Variants in EXOC6 observed in about 807,000 individuals in gnomAD.
The protein encoded by EXOC6 is SEC15-like 1.
EXOC6 carries 60 observed loss-of-function variants against 112.5 expected under a neutral mutation model. That is an observed-to-expected ratio of 0.53 (90% confidence interval 0.43 to 0.66). The LOEUF (loss-of-function observed/expected upper bound fraction) is 0.66. Ranked by LOEUF, EXOC6 falls within the 30% of genes least tolerant of loss-of-function variation. The pLI is 0.00. For missense variants in EXOC6, 855 were observed against 957.1 expected (o/e 0.89, Z 1.41); for synonymous variants, 295 against 308.0 (o/e 0.96, Z 0.44).
chr10:92,880,206 C>A (rs757102372), intron 1 of EXOC6, among the ~76,000 whole-genome samples: 1 of 152,140 alleles, frequency 6.6e-6, no homozygotes, highest in African/African-American at 2.4e-5. Flanking sequence ...TGCACATACT[C>A]CCATGTACTT....
chr10:93,059,137 G>A lies in EXOC6; in HGVS notation c.*782G>A, dbSNP rs1486339413. 6.6e-6 allele frequency: 1 copy of A among 151,950 alleles called. No individual in the cohort carries two copies. The highest frequency in any genetic ancestry group is 2.4e-5 in the African/African-American group (1 of 41,212). 9.4% of individuals were successfully genotyped at this position (151,950 alleles called of 1,614,324 possible). A position where few individuals can be genotyped will look rare whatever the true frequency, so the allele number is the denominator to read the frequency against. ...TAACCACTTCAGGTGCAGCTTGTGC[G>A]AGGGTAGATGGTTCCTGCACACAGA... On this transcript the variant is annotated 3_prime_UTR_variant, in exon 22 of 22. Transcript: ENST00000260762.
intron 17 of EXOC6, among the ~76,000 whole-genome samples, chr10:92,971,236 A>G (rs181226325): frequency 8.5e-4 from 129 of 151,870 alleles, no homozygotes; most frequent in Middle Eastern, 6.8e-3. Flanking sequence ...AGTAGAGACA[A>G]GGTTTCACCA....
chr10:92,952,374 A>G lies in EXOC6; in HGVS notation c.1518A>G (p.Leu506=), dbSNP rs780450521. Residue 506 remains leucine, a synonymous_variant, in exon 15 of 22, where the codon CTA becomes CTG. Coordinates refer to ENST00000260762, the MANE Select transcript of EXOC6 (RefSeq NM_019053.6). ...IYASLKFSES[L]HRSSTEIDDM... Reference sequence around the variant, plus strand: ...CCAGCCTTAAATTTTCAGAGTCACTACACCGGAGGTGAGTTTACTAATCAC... The same window carrying G: ...CCAGCCTTAAATTTTCAGAGTCACTGCACCGGAGGTGAGTTTACTAATCAC... 5.7e-6 allele frequency: 9 copies of G among 1,584,372 alleles called. No homozygotes were observed. In the Admixed American group the frequency reaches 1.2e-4, roughly 21 times the overall value.
intron 14 of EXOC6, among the ~76,000 whole-genome samples, chr10:92,950,215 G>T (rs181571111): frequency 1.6e-4 from 25 of 152,146 alleles, no homozygotes; most frequent in Admixed American, 1.4e-3. Flanking sequence ...TCTTTTGGTT[G>T]TGTGTGTATA....
At chr10:93,045,387 GA>G (rs1845962380) in intron 20 of EXOC6, among the ~76,000 whole-genome samples, 1 of 152,202 alleles carries the variant, frequency 6.6e-6, no homozygotes, top group African/African-American at 2.4e-5. Context: ...GCAAGAGGGA[GA>G]AGAAGCACTT....
intron 1 of EXOC6, among the ~76,000 whole-genome samples, chr10:92,886,316 C>G (rs938755701): frequency 2.0e-5 from 3 of 152,220 alleles, no homozygotes; most frequent in Non-Finnish European, 4.4e-5. Flanking sequence ...TCGATTTTCT[C>G]TACTTCTTTT....
intron 20 of EXOC6, among the ~76,000 whole-genome samples, chr10:93,024,781 G>T (rs1378746232): frequency 6.6e-6 from 1 of 152,086 alleles, no homozygotes; most frequent in Non-Finnish European, 1.5e-5. Flanking sequence ...TCATTACAGG[G>T]CACCTCCCTC....
At chr10:92,886,452 G>T (rs1849222438) in intron 1 of EXOC6, among the ~76,000 whole-genome samples, 1 of 152,084 alleles carries the variant, frequency 6.6e-6, no homozygotes, top group Non-Finnish European at 1.5e-5. Flanking sequence ...TGCACATCAG[G>T]GATTCCCTAT....
intron 18 of EXOC6, among the ~76,000 whole-genome samples, chr10:92,976,053 G>A (rs1189256187): frequency 2.1e-5 from 3 of 143,762 alleles, no homozygotes; most frequent in African/African-American, 7.7e-5. Flanking sequence ...GGTGGGGGGG[G>A]GGGTCAGCCC....
chr10:92,915,221 G>A (rs1289185426), intron 6 of EXOC6, among the ~76,000 whole-genome samples: 1 of 152,010 alleles, frequency 6.6e-6, no homozygotes, highest in Non-Finnish European at 1.5e-5. Context: ...GGAAATACAT[G>A]GTTCTACATA....
chr10:92,999,761 TG>T (rs1476294205), intron 19 of EXOC6, among the ~76,000 whole-genome samples: 1 of 151,606 alleles, frequency 6.6e-6, no homozygotes, highest in Admixed American at 6.6e-5. Context: ...TGGAGTGCAG[TG>T]GCACAATCTT....
intron 1 of EXOC6, among the ~76,000 whole-genome samples, chr10:92,867,054 A>T (rs1022382595): frequency 4.6e-5 from 7 of 152,186 alleles, no homozygotes; most frequent in Non-Finnish European, 7.3e-5. Flanking sequence ...TTTCTGAATT[A>T]CAGATGCAGA....
intron 20 of EXOC6, among the ~76,000 whole-genome samples, chr10:93,015,955 T>C (rs1331175388): frequency 1.3e-5 from 2 of 152,208 alleles, no homozygotes; most frequent in African/African-American, 2.4e-5. Context: ...TGATTAACCT[T>C]GCTGAGTTGG....
intron 18 of EXOC6, among the ~76,000 whole-genome samples, chr10:92,996,683 T>C (rs1024170650): frequency 6.6e-6 from 1 of 152,180 alleles, no homozygotes; most frequent in Non-Finnish European, 1.5e-5. Context: ...GGCTAAACAT[T>C]TAAAAAGGCC....
At chr10:92,834,917 T>C in intron 1 of EXOC6, 1 of 687,390 alleles carries the variant, frequency 1.5e-6, no homozygotes, top group East Asian at 2.6e-5. Flanking sequence ...GAGTAAAAAA[T>C]ATTCTTGCAA....
intron 1 of EXOC6, among the ~76,000 whole-genome samples, chr10:92,840,928 G>T (rs1460179913): frequency 6.6e-6 from 1 of 151,926 alleles, no homozygotes; most frequent in East Asian, 1.9e-4. Context: ...AAAGTGCTGG[G>T]ATTACAGGTG....
chr10:93,047,659 A>T (rs186055368), intron 20 of EXOC6, among the ~76,000 whole-genome samples: 2 of 148,084 alleles, frequency 1.4e-5, no homozygotes, highest in East Asian at 4.3e-4. Flanking sequence ...AAGAATTGTG[A>T]GAGAGAGGCC....
At chr10:92,939,406 A>G (rs562580049) in intron 12 of EXOC6, among the ~76,000 whole-genome samples, 1 of 151,714 alleles carries the variant, frequency 6.6e-6, no homozygotes, top group South Asian at 2.1e-4. Context: ...GTGACTACTC[A>G]GTGTGTGTGT....
At chr10:92,997,234 A>G (rs948003000) in intron 18 of EXOC6, among the ~76,000 whole-genome samples, 1 of 152,140 alleles carries the variant, frequency 6.6e-6, no homozygotes, top group African/African-American at 2.4e-5. Flanking sequence ...TCCTTTGTGC[A>G]GTTAGAGCTT....
Sources: gnomAD v4.1 joint callset for allele counts (sites outside exome capture counted in the v4.1 genomes callset) on GRCh38, gnomAD v4.1.1 for gene constraint, MANE v1.5 for transcripts, NCBI Gene and HGNC (gene_info 2026-07-23, HGNC 2026-07-21) for gene names.